ASPH: variants seen among roughly 807,000 people sequenced by gnomAD.
The protein encoded by ASPH is aspartyl/asparaginyl beta-hydroxylase.
A neutral mutation model predicts 118.4 loss-of-function variants in ASPH; 100 were observed. The observed-to-expected ratio is 0.84, with a 90% CI of 0.72 to 1.00. The LOEUF is 1.00. Among genes scored for constraint, ASPH ranks in the 50% least tolerant of loss-of-function variants. The pLI, the probability that ASPH is intolerant of heterozygous loss-of-function variation, is 0.00. For missense variants in ASPH, 920 were observed against 919.5 expected, an observed-to-expected ratio of 1.00 and a Z score of -0.01; for synonymous variants, 315 against 325.6, an observed-to-expected ratio of 0.97 and a Z score of 0.35.
At chr8:61,686,778 T>TA (rs1373376836) in intron 1 of ASPH, among the ~76,000 whole-genome samples, 1 of 152,200 alleles carries the variant, frequency 6.6e-6, no homozygotes, top group Non-Finnish European at 1.5e-5. Context: ...AAAGGAATGC[T>TA]AAAACTTCAG....
chr8:61,508,867 A>T (rs150554839), intron 24 of ASPH, among the ~76,000 whole-genome samples: 18 of 152,360 alleles, frequency 1.2e-4, no homozygotes, highest in African/African-American at 4.3e-4. Context: ...GATATTTGAC[A>T]CAGCTCTTAC....
Position 61,576,864 on chromosome 8 carries a change from A to G in ASPH, c.1063-6T>C, listed in dbSNP as rs1490766655. On this transcript the variant is annotated splice_polypyrimidine_tract_variant and splice_region_variant and intron_variant, in intron 15 of 24. Coordinates refer to ENST00000379454, the MANE Select transcript of ASPH (RefSeq NM_004318.4). ...ACTGCTTCCTCAATTTTTCCCTGTT[A>G]GAAAGACAAAATTACATAAATAAAA... is the stretch of plus-strand genomic sequence containing the variant. 1.3e-6 allele frequency: 2 copies of G among 1,596,246 alleles called. No homozygotes were observed. Among genetic ancestry groups the G allele is most frequent in the Admixed American group, 1.7e-5 (1 of 59,300 alleles).
At chr8:61,576,501 A>T in intron 16 of ASPH, 1 of 340,214 alleles carries the variant, frequency 2.9e-6, no homozygotes, top group Non-Finnish European at 5.3e-6. Context: ...ATGGAATGGG[A>T]CATGAGGGGA....
At chr8:61,654,179 A>G (rs1289459903) in intron 3 of ASPH, among the ~76,000 whole-genome samples, 1 of 152,224 alleles carries the variant, frequency 6.6e-6, no homozygotes, top group Non-Finnish European at 1.5e-5. Context: ...AAGTAATCAT[A>G]TTATTCTATA....
chr8:61,628,673 G>A (rs1854118803), intron 13 of ASPH, among the ~76,000 whole-genome samples: 1 of 152,074 alleles, frequency 6.6e-6, no homozygotes. Flanking sequence ...ACATCTGGGA[G>A]GCTAACCTCA....
chr8:61,617,932 CAA>C (rs10674052), intron 14 of ASPH, among the ~76,000 whole-genome samples: 11 of 87,890 alleles, frequency 1.3e-4, no homozygotes, highest in Admixed American at 2.6e-4. Context: ...GACGCCATCT[CAA>C]AAAAAAAAAA....
chr8:61,539,699 G>GTGTGTGTGTGT (rs1554618408), intron 21 of ASPH, among the ~76,000 whole-genome samples: 4 of 124,214 alleles, frequency 3.2e-5, no homozygotes, highest in East Asian at 2.3e-4. Context: ...ACACTTCTGG[G>GTGTGTGTGTGT]GTGTGTGTGT....
chr8:61,626,413 A>G, intron 13 of ASPH: 1 of 1,238,488 alleles, frequency 8.1e-7, no homozygotes, highest in Non-Finnish European at 1.0e-6. Flanking sequence ...GTTTTTAAGG[A>G]CAACTTGGTA....
Position 61,567,252 on chromosome 8 carries a change from G to A in ASPH, c.1216C>T (p.Gln406Ter), listed in dbSNP as rs758365723. ...ACATCAGGTAGGCTGGCCACCTCTT[G>A]GTAGGTCTCGATGGCTCCACGTAGC... is the stretch of plus-strand genomic sequence containing the variant. ...EVLRGAIETY[Q>*]EVASLPDVPA... The change falls in exon 17 of 25, where the codon CAA (glutamine) becomes TAA (stop). Residue 406 changes from glutamine (Q) to a stop codon, truncating the protein, a stop_gained. Transcript: ENST00000379454. LOFTEE classifies it high-confidence loss of function. 6.2e-7 allele frequency: 1 copy of A among 1,613,938 alleles called. No homozygotes were observed. Among genetic ancestry groups the A allele is most frequent in the African/African-American group, 1.3e-5 (1 of 74,974 alleles).
At chr8:61,515,451 T>C (rs887541872) in intron 24 of ASPH, among the ~76,000 whole-genome samples, 8 of 152,204 alleles carry the variant, frequency 5.3e-5, no homozygotes, top group African/African-American at 1.9e-4. Context: ...ATTTCCTTCT[T>C]GGTTCTCCTT....
intron 1 of ASPH, among the ~76,000 whole-genome samples, chr8:61,704,872 G>A (rs1315886366): frequency 6.6e-6 from 1 of 152,120 alleles, no homozygotes; most frequent in Non-Finnish European, 1.5e-5. Context: ...TGGTTAGTGG[G>A]AGTATAAAAT....
intron 1 of ASPH, among the ~76,000 whole-genome samples, chr8:61,707,989 A>ACAT (rs1483097910): frequency 1.3e-5 from 2 of 152,204 alleles, no homozygotes; most frequent in Non-Finnish European, 2.9e-5. Context: ...TATGTGCTAC[A>ACAT]TGTTATATAT....
In ASPH at chr8:61,684,026, T is replaced by A; in HGVS notation, c.253+13A>T. 6.2e-7 allele frequency: 1 copy of A among 1,612,538 alleles called. No individual in the cohort carries two copies. The highest frequency in any genetic ancestry group is 8.5e-7 in the Non-Finnish European group (1 of 1,179,096). ...TCTCTTACAAATTCACATAAGGATA[T>A]CAAAATTCTTACCTAGAACTTCCTC... On this transcript the variant is annotated intron_variant, in intron 2 of 24. Coordinates refer to ENST00000379454, the MANE Select transcript of ASPH (RefSeq NM_004318.4).
At chr8:61,612,888 T>TA (rs1161303344) in intron 14 of ASPH, among the ~76,000 whole-genome samples, 9 of 152,164 alleles carry the variant, frequency 5.9e-5, no homozygotes, top group Non-Finnish European at 8.8e-5. Context: ...TGTAGACACT[T>TA]AAAGTTAATT....
chr8:61,680,847 T>C lies in ASPH; in HGVS notation c.322+121A>G, dbSNP rs561407941. 7.2e-5 allele frequency: 50 copies of C among 697,766 alleles called. No homozygotes were observed. In the South Asian group the frequency reaches 7.4e-4, roughly 10 times the overall value. 43.2% of individuals were successfully genotyped at this position (697,766 alleles called of 1,614,324 possible). ...AAAATTTTAACAGTAATGAAATATA[T>C]GATTTAAGGGAGAAAAGTCTCCTGT... On this transcript the variant is annotated intron_variant, in intron 3 of 24. Coordinates refer to ENST00000379454, the MANE Select transcript of ASPH (RefSeq NM_004318.4).
At chr8:61,625,887 T>G (rs1852584770) in intron 13 of ASPH, 1 of 1,014,602 alleles carries the variant, frequency 9.9e-7, no homozygotes, top group South Asian at 4.6e-5. Flanking sequence ...TGTTAATTAC[T>G]AATAATATAT....
rs559605023 is a variant in ASPH at position 61,519,436 on chromosome 8, A to T, written c.1901-1313T>A. 2.0e-5 allele frequency among the ~76,000 whole-genome samples: 3 copies of T among 152,330 alleles called. No individual in the cohort carries two copies. The South Asian group carries it at 6.2e-4, about 32-fold the overall frequency. On this transcript the variant is annotated intron_variant, in intron 22 of 24. Transcript: ENST00000379454. ...TACATAAGCGGACCCATAACATTCA[A>T]ATTCACGTTGTTCAAAGGCCAACTG...
intron 13 of ASPH, chr8:61,624,527 T>C: frequency 1.0e-6 from 1 of 965,476 alleles, no homozygotes; most frequent in South Asian, 4.8e-5. Context: ...TCAAAAATAA[T>C]GACAATATAG....
chr8:61,682,495 T>C, intron 2 of ASPH: 1 of 1,611,090 alleles, frequency 6.2e-7, no homozygotes, highest in South Asian at 1.1e-5. Flanking sequence ...TGCATGCATG[T>C]AAAAACATGA....
Sources: allele counts gnomAD v4.1 joint callset (sites outside exome capture counted in the v4.1 genomes callset), GRCh38; gene constraint gnomAD v4.1.1; transcripts MANE v1.5; gene names NCBI Gene and HGNC (gene_info 2026-07-23, HGNC 2026-07-21).